Variants in MCEE observed in about 807,000 individuals in gnomAD.
MCEE encodes the protein methylmalonyl-CoA epimerase, mitochondrial.
A neutral mutation model predicts 12.9 loss-of-function variants in MCEE; 6 were observed. The ratio of observed to expected loss-of-function variants is 0.47; its 90% CI spans 0.26 to 0.92. The LOEUF (loss-of-function observed/expected upper bound fraction) is 0.92, where lower values mean the gene tolerates loss of function less well. Among genes scored for constraint, MCEE ranks in the 40% least tolerant of loss-of-function variants. The probability of loss-of-function intolerance (pLI) is 0.16; values close to 1 mark genes in which losing one functional copy is unlikely to be tolerated. For synonymous variants in MCEE, 78 were observed against 77.9 expected (o/e 1.00, Z -0.01); for missense variants, 214 against 212.1 (o/e 1.01, Z -0.05).
intron 2 of MCEE, among the ~76,000 whole-genome samples, chr2:71,114,351 A>T (rs201604613): frequency 6.8e-3 from 22 of 3,234 alleles, no homozygotes; most frequent in South Asian, 0.048. Context: ...AAATAAAATT[A>T]AAAAAAAAAA....
rs955110109 is a variant in MCEE, at chr2:71,130,028, T to C, written c.40+152A>G. ...GCGGTGGCGCTTCTGGAAGGCACCC[T>C]CTGCCTAAGTGACAGCAGCTGCTGT... On this transcript the variant is annotated intron_variant, in intron 1 of 2. Transcript: ENST00000244217. The C allele has an allele frequency of 1.4e-5, 11 of 781,828 alleles. No homozygotes were observed. The African/African-American group carries it at 1.7e-4, about 12-fold the overall frequency. The allele number at this position is 781,828 out of a possible 1,614,324, so 48.4% of individuals were successfully genotyped here. A position where few individuals can be genotyped will look rare whatever the true frequency, so the allele number is the denominator to read the frequency against.
intron 2 of MCEE, among the ~76,000 whole-genome samples, chr2:71,113,505 T>C (rs879365836): frequency 6.6e-6 from 1 of 152,044 alleles, no homozygotes; most frequent in Non-Finnish European, 1.5e-5. Flanking sequence ...GCATCTCATA[T>C]AGAAGATGAA....
At chr2:71,129,680 G>GA in intron 1 of MCEE, 1 of 177,566 alleles carries the variant, frequency 5.6e-6, no homozygotes, top group South Asian at 1.1e-4. Context: ...AGTGCACGTG[G>GA]AAAAACCACT....
chr2:71,122,378 G>A (rs567034297), intron 2 of MCEE, among the ~76,000 whole-genome samples: 5 of 152,214 alleles, frequency 3.3e-5, no homozygotes, highest in African/African-American at 1.2e-4. Flanking sequence ...CGAGCAATCT[G>A]CCCACCTTGG....
intron 2 of MCEE, among the ~76,000 whole-genome samples, chr2:71,121,368 C>T (rs1306954517): frequency 3.9e-5 from 6 of 152,138 alleles, no homozygotes; most frequent in African/African-American, 1.2e-4. Flanking sequence ...AGCAGAGCTG[C>T]CCATCAGCCT....
At chr2:71,110,227 C>A in intron 2 of MCEE, 105 bp from the exon 3 acceptor site, 1 of 929,576 alleles carries the variant, frequency 1.1e-6, no homozygotes, top group East Asian at 2.5e-5. Flanking sequence ...AGTCTATCTC[C>A]TCTGCCTGTG....
chr2:71,130,071 G>C, intron 1 of MCEE, 109 bp downstream of exon 1: 1 of 1,123,718 alleles, frequency 8.9e-7, no homozygotes, highest in Admixed American at 2.0e-5. Flanking sequence ...GCCCCCGGGG[G>C]AGGACATTAG....
intron 1 of MCEE, 70 bp downstream of exon 1, chr2:71,130,110 T>G: frequency 6.6e-7 from 1 of 1,507,550 alleles, no homozygotes; most frequent in African/African-American, 1.4e-5. Context: ...CGCCGAGGCC[T>G]CCTCCGCCCC....
chr2:71,124,135 A>T, intron 2 of MCEE, 71 bp downstream of exon 2: 2 of 1,167,242 alleles, frequency 1.7e-6, no homozygotes, highest in Non-Finnish European at 2.5e-6. Flanking sequence ...GACCATAAAT[A>T]GACTTAAAAA....
intron 2 of MCEE, among the ~76,000 whole-genome samples, chr2:71,123,656 A>C (rs1673147750): frequency 6.6e-6 from 1 of 152,210 alleles, no homozygotes; most frequent in Non-Finnish European, 1.5e-5. Context: ...AATGTTCTCT[A>C]ATGGACTTTT....
In MCEE at chr2:71,109,902, A is replaced by G. The variant is rs1394263175; in HGVS notation, c.*68T>C. ...TGGAAGCAGTGAAGGACTCAATGTC[A>G]TAGTACATTTTGATAGTATTTGATA... On this transcript the variant is annotated 3_prime_UTR_variant, in exon 3 of 3. Transcript: ENST00000244217. 4.3e-5 allele frequency: 64 copies of G among 1,503,756 alleles called. No individual in the cohort carries two copies. Among genetic ancestry groups the G allele is most frequent in the Non-Finnish European group, 5.5e-5 (60 of 1,087,612 alleles). The allele number at this position is 1,503,756 out of a possible 1,614,324, so 93.2% of individuals were successfully genotyped here.
chr2:71,126,459 C>T (rs1028990346), intron 1 of MCEE, among the ~76,000 whole-genome samples: 2 of 151,564 alleles, frequency 1.3e-5, no homozygotes, highest in Admixed American at 6.6e-5. Flanking sequence ...AACTCCTGAC[C>T]TCGTGATCCG....
rs139272833 is a variant in MCEE, at chr2:71,128,251, T to G, written c.40+1929A>C. Among the ~76,000 whole-genome samples the G allele has an allele frequency of 3.7e-3, 569 of 152,314 alleles. 6 individuals are homozygous for G. The highest frequency in any genetic ancestry group is 0.013 in the African/African-American group (546 of 41,562). Reference sequence around the variant, plus strand: ...TTTCCATTTTCAGAACTTTTCTACGTGTTCACTCTGATTTTTCTGTGCTTT... The same window carrying G: ...TTTCCATTTTCAGAACTTTTCTACGGGTTCACTCTGATTTTTCTGTGCTTT... On this transcript the variant is annotated intron_variant, in intron 1 of 2. Transcript: ENST00000244217.
chr2:71,114,444 A>C (rs1672952053), intron 2 of MCEE, among the ~76,000 whole-genome samples: 1 of 152,198 alleles, frequency 6.6e-6, no homozygotes, highest in Admixed American at 6.5e-5. Flanking sequence ...TAAAGTACAG[A>C]CTTTAGCTAA....
At chr2:71,129,770 AGTT>A (rs942408734) in intron 1 of MCEE, 5 of 295,788 alleles carry the variant, frequency 1.7e-5, no homozygotes, top group Admixed American at 9.4e-5. Flanking sequence ...GCCGACTAGT[AGTT>A]GTTGTTTTTA....
At chr2:71,113,666 A>G (rs960300861) in intron 2 of MCEE, among the ~76,000 whole-genome samples, 1 of 152,188 alleles carries the variant, frequency 6.6e-6, no homozygotes, top group Non-Finnish European at 1.5e-5. Flanking sequence ...ATCTGAGGGG[A>G]AAAAAAGTAG....
chr2:71,125,211 A>ATTTTTTTTT (rs1243506608), intron 1 of MCEE, among the ~76,000 whole-genome samples: 984 of 48,568 alleles, frequency 0.02, 92 homozygotes, highest in Non-Finnish European at 0.034. Context: ...ATATATATAT[A>ATTTTTTTTT]TTTTTTTTTT....
In MCEE at chr2:71,118,441, G is replaced by A. The variant is rs994487488; in HGVS notation, c.378+5765C>T. The A allele has an allele frequency of 4.0e-5, 6 of 150,362 alleles. 1 individual carries two copies. Among genetic ancestry groups the A allele is most frequent in the African/African-American group, 1.5e-4 (6 of 39,664 alleles). The allele number at this position is 150,362 out of a possible 1,614,324, so 9.3% of individuals were successfully genotyped here. A position where few individuals can be genotyped will look rare whatever the true frequency, so the allele number is the denominator to read the frequency against. On this transcript the variant is annotated intron_variant, in intron 2 of 2. Coordinates refer to ENST00000244217, the MANE Select transcript of MCEE (RefSeq NM_032601.4). Reference sequence around the variant, plus strand: ...GCTCCAGCTCCCTGCTCTGAGCTGTGTCTCAGTCCATTCGGGCTGTTAGAA... The same window carrying A: ...GCTCCAGCTCCCTGCTCTGAGCTGTATCTCAGTCCATTCGGGCTGTTAGAA...
intron 1 of MCEE, chr2:71,129,601 G>T (rs1016586854): frequency 1.3e-5 from 2 of 153,308 alleles, no homozygotes; most frequent in South Asian, 4.0e-4. Flanking sequence ...TAAAAAAAAT[G>T]AAGGGGGAGA....
Sources: allele counts gnomAD v4.1 joint callset (sites outside exome capture counted in the v4.1 genomes callset), GRCh38; gene constraint gnomAD v4.1.1; transcripts MANE v1.5; gene names NCBI Gene and HGNC (gene_info 2026-07-23, HGNC 2026-07-21).